Variants in ST6GALNAC3 observed in about 807,000 individuals in gnomAD.
ST6GALNAC3 encodes alpha-N-acetylgalactosaminide alpha-2,6-sialyltransferase 3.
In ST6GALNAC3, 25 loss-of-function variants were observed where a neutral mutation model predicts 32.7. That is an observed-to-expected ratio of 0.76 (90% CI 0.56 to 1.07). The LOEUF (loss-of-function observed/expected upper bound fraction) is 1.07, where lower values mean the gene tolerates loss of function less well. Among genes scored for constraint, ST6GALNAC3 ranks in the 50% least tolerant of loss-of-function variants. ST6GALNAC3 has a pLI of 0.00. For synonymous variants in ST6GALNAC3, 129 were observed against 133.1 expected (o/e 0.97, Z 0.21); for missense variants, 355 against 382.4 (o/e 0.93, Z 0.60).
At chr1:76,234,024 A>G (rs1656514458) in intron 1 of ST6GALNAC3, among the ~76,000 whole-genome samples, 1 of 152,208 alleles carries the variant, frequency 6.6e-6, no homozygotes, top group South Asian at 2.1e-4. Flanking sequence ...TATTAAATAA[A>G]TGTGAAAATA....
In ST6GALNAC3 at chr1:76,368,555, A is replaced by G. The variant is rs1270851539; in HGVS notation, c.214-43453A>G. Among the ~76,000 whole-genome samples the G allele has an allele frequency of 2.6e-5, 4 of 151,694 alleles. No individual in the cohort carries two copies. The East Asian group carries it at 7.7e-4, about 29-fold the overall frequency. On this transcript the variant is annotated intron_variant, in intron 2 of 4. Coordinates refer to ENST00000328299, the MANE Select transcript of ST6GALNAC3 (RefSeq NM_152996.4). ...AGACTTGCTCTCTGCACTTCAGAGTATGAGCTTCCTAAGGGTAGAAATCTG... is the reference window on the plus strand; with the variant it reads ...AGACTTGCTCTCTGCACTTCAGAGTGTGAGCTTCCTAAGGGTAGAAATCTG...
Position 76,627,486 on chromosome 1 carries a change from T to A in ST6GALNAC3, c.658T>A (p.Phe220Ile). Residue 220 changes from phenylalanine to isoleucine, a missense_variant, in exon 4 of 5, where the codon TTT (phenylalanine) becomes ATT (isoleucine). Physicochemically the swap from Phe to Ile is conservative, Grantham distance 21. Transcript: ENST00000328299. ...TGGCTCATATCTCAGCACAGGGTGG[T>A]TTACCTTCCTTCTGGCCATGGACGC... ...QSGSYLSTGW[F>I]TFLLAMDACY... The A allele has an allele frequency of 6.2e-7, 1 of 1,612,642 alleles. No individual in the cohort carries two copies. Among genetic ancestry groups the A allele is most frequent in the Non-Finnish European group, 8.5e-7 (1 of 1,179,008 alleles).
chr1:76,373,032 A>T (rs2101086314), intron 2 of ST6GALNAC3, among the ~76,000 whole-genome samples: 1 of 152,236 alleles, frequency 6.6e-6, no homozygotes. Flanking sequence ...CCTGGGCTCA[A>T]GTGATCCTCC....
At chr1:76,276,181 T>C (rs1300211768) in intron 1 of ST6GALNAC3, among the ~76,000 whole-genome samples, 1 of 149,526 alleles carries the variant, frequency 6.7e-6, no homozygotes, top group Non-Finnish European at 1.5e-5. Context: ...TGAAATATTT[T>C]ATATATGTAC....
chr1:76,360,054 A>G (rs559021110), intron 2 of ST6GALNAC3, among the ~76,000 whole-genome samples: 1 of 152,348 alleles, frequency 6.6e-6, no homozygotes, highest in African/African-American at 2.4e-5. Context: ...AATAGTTAAT[A>G]AGAGCTACCA....
chr1:76,299,210 T>G (rs577614614), intron 1 of ST6GALNAC3, among the ~76,000 whole-genome samples: 1 of 152,096 alleles, frequency 6.6e-6, no homozygotes, highest in East Asian at 1.9e-4. Flanking sequence ...GAAGGAGACA[T>G]GAGGGTGTGG....
chr1:76,409,790 T>A (rs976600413), intron 2 of ST6GALNAC3, among the ~76,000 whole-genome samples: 1 of 152,110 alleles, frequency 6.6e-6, no homozygotes, highest in Non-Finnish European at 1.5e-5. Context: ...ATCGGTGTAG[T>A]GTTATTGAGT....
intron 1 of ST6GALNAC3, among the ~76,000 whole-genome samples, chr1:76,174,946 G>A (rs1160615560): frequency 1.3e-5 from 2 of 152,042 alleles, no homozygotes; most frequent in East Asian, 3.9e-4. Context: ...GGGATTACAG[G>A]CATGACCAAC....
intron 3 of ST6GALNAC3, among the ~76,000 whole-genome samples, chr1:76,553,971 T>A (rs1313174023): frequency 3.9e-5 from 6 of 152,206 alleles, no homozygotes; most frequent in Admixed American, 1.3e-4. Context: ...AATAATGCAA[T>A]GTTCTGATTG....
chr1:76,585,530 C>G (rs1000377242), intron 3 of ST6GALNAC3, among the ~76,000 whole-genome samples: 1 of 152,162 alleles, frequency 6.6e-6, no homozygotes, highest in Non-Finnish European at 1.5e-5. Context: ...CAGACACCAC[C>G]TCCAAGGCAT....
chr1:76,452,900 A>T (rs545403993), intron 3 of ST6GALNAC3, among the ~76,000 whole-genome samples: 1 of 152,244 alleles, frequency 6.6e-6, no homozygotes, highest in Admixed American at 6.5e-5. Context: ...CTGTGAATCC[A>T]TCTGGTCCTG....
chr1:76,214,016 A>G (rs1007592367), intron 1 of ST6GALNAC3, among the ~76,000 whole-genome samples: 1 of 152,180 alleles, frequency 6.6e-6, no homozygotes, highest in Non-Finnish European at 1.5e-5. Flanking sequence ...GAAACCCAAG[A>G]AAGAGCAAAA....
rs550680517 is a variant in ST6GALNAC3, at chr1:76,561,795, A to T, written c.624-65657A>T. On this transcript the variant is annotated intron_variant, in intron 3 of 4. Transcript: ENST00000328299. ...AAAATAAAAACACATCCACACAAAA[A>T]CTTTTACATGCATTTTCAAAGCAGC... is the stretch of plus-strand genomic sequence containing the variant. 7.9e-4 allele frequency among the ~76,000 whole-genome samples: 121 copies of T among 152,234 alleles called. 1 individual carries two copies. Among genetic ancestry groups the T allele is most frequent in the South Asian group, 6.0e-3 (29 of 4,822 alleles).
chr1:76,152,199 A>C (rs1479976754), intron 1 of ST6GALNAC3, among the ~76,000 whole-genome samples: 1 of 152,144 alleles, frequency 6.6e-6, no homozygotes, highest in African/African-American at 2.4e-5. Context: ...TTTATTATTC[A>C]TATCTTTTTG....
At chr1:76,466,927 T>G (rs930670270) in intron 3 of ST6GALNAC3, among the ~76,000 whole-genome samples, 2 of 152,078 alleles carry the variant, frequency 1.3e-5, no homozygotes, top group African/African-American at 4.8e-5. Context: ...CTTTATAATT[T>G]TTGTATTAAA....
chr1:76,340,679 G>C (rs1365867439), intron 2 of ST6GALNAC3, among the ~76,000 whole-genome samples: 1 of 152,140 alleles, frequency 6.6e-6, no homozygotes, highest in East Asian at 1.9e-4. Context: ...TTTACAAAAG[G>C]CTGAGAAAAT....
chr1:76,180,623 G>A (rs944525637), intron 1 of ST6GALNAC3, among the ~76,000 whole-genome samples: 1 of 152,164 alleles, frequency 6.6e-6, no homozygotes, highest in African/African-American at 2.4e-5. Context: ...ACGAACAGAT[G>A]AGAAGACGAG....
intron 3 of ST6GALNAC3, among the ~76,000 whole-genome samples, chr1:76,473,266 G>C (rs1387952742): frequency 6.6e-6 from 1 of 152,088 alleles, no homozygotes; most frequent in Non-Finnish European, 1.5e-5. Flanking sequence ...CTAGAGACCC[G>C]ATGACACTAG....
At chr1:76,134,625 C>G (rs887029335) in intron 1 of ST6GALNAC3, among the ~76,000 whole-genome samples, 9 of 152,102 alleles carry the variant, frequency 5.9e-5, no homozygotes, top group African/African-American at 2.2e-4. Flanking sequence ...AGGTGTGAGC[C>G]CCTCTAGAGG....
Sources: gnomAD v4.1 joint callset for allele counts (sites outside exome capture counted in the v4.1 genomes callset) on GRCh38, gnomAD v4.1.1 for gene constraint, MANE v1.5 for transcripts, NCBI Gene and HGNC (gene_info 2026-07-23, HGNC 2026-07-21) for gene names.